KATNAL2: variants seen among roughly 807,000 people sequenced by gnomAD.
KATNAL2 encodes katanin catalytic subunit A1 like 2.
In KATNAL2, 52 loss-of-function variants were observed where a neutral mutation model predicts 76.3. The observed-to-expected ratio is 0.68, with a 90% CI of 0.55 to 0.86. The LOEUF is 0.86. KATNAL2 is among the 40% of genes least tolerant of loss of function. The pLI is 0.00. For synonymous variants in KATNAL2, 243 were observed against 244.2 expected (o/e 1.00, Z 0.05); for missense variants, 660 against 668.9 (o/e 0.99, Z 0.15).
intron 4 of KATNAL2, among the ~76,000 whole-genome samples, chr18:47,052,166 C>T (rs1024179662): frequency 9.2e-5 from 14 of 152,180 alleles, no homozygotes; most frequent in African/African-American, 3.1e-4. Flanking sequence ...GATTTTGAGA[C>T]ACAGCCCTTG....
chr18:47,032,271 T>G (rs1230373817), intron 3 of KATNAL2, among the ~76,000 whole-genome samples: 1 of 152,238 alleles, frequency 6.6e-6, no homozygotes, highest in East Asian at 1.9e-4. Context: ...CTTTGAGCCA[T>G]GCTCAGGTTC....
intron 1 of KATNAL2, among the ~76,000 whole-genome samples, chr18:46,931,103 AAATAATAATAATAATAAT>A (rs36168863): frequency 1.9e-5 from 2 of 105,546 alleles, no homozygotes; most frequent in Non-Finnish European, 3.9e-5. Flanking sequence ...CCGTCTCAGG[AAATAATAATAATAATAAT>A]AATAATAATA....
chr18:46,943,569 C>G (rs2059306176), intron 1 of KATNAL2, among the ~76,000 whole-genome samples: 1 of 152,200 alleles, frequency 6.6e-6, no homozygotes, highest in South Asian at 2.1e-4. Context: ...CCAATATGGT[C>G]TAAAAAGGGG....
intron 3 of KATNAL2, among the ~76,000 whole-genome samples, chr18:46,960,143 C>T (rs186805262): frequency 6.4e-4 from 97 of 152,174 alleles, no homozygotes; most frequent in Non-Finnish European, 1.3e-3. Context: ...GGAAGGAGAA[C>T]CCCAAAAAAG....
At chr18:47,041,325 C>T (rs1010369092) in intron 3 of KATNAL2, among the ~76,000 whole-genome samples, 4 of 152,126 alleles carry the variant, frequency 2.6e-5, no homozygotes, top group African/African-American at 7.2e-5. Flanking sequence ...AGAATGGTTT[C>T]GCTGCCCTAG....
intron 1 of KATNAL2, among the ~76,000 whole-genome samples, chr18:46,926,258 G>A (rs2146517375): frequency 6.6e-6 from 1 of 152,134 alleles, no homozygotes; most frequent in East Asian, 1.9e-4. Flanking sequence ...TGCTTTGAAT[G>A]TGTCCCAGAG....
At chr18:46,948,241 G>A (rs917572628) in intron 3 of KATNAL2, among the ~76,000 whole-genome samples, 29 of 149,770 alleles carry the variant, frequency 1.9e-4, no homozygotes, top group African/African-American at 7.2e-4. Context: ...CTCCCGAGTA[G>A]CTGGGACTGC....
At chr18:46,955,178 C>CTTTCTTTCTTTCTTTCTTTCT (rs1293955552) in intron 3 of KATNAL2, among the ~76,000 whole-genome samples, 2 of 132,270 alleles carry the variant, frequency 1.5e-5, no homozygotes, top group Non-Finnish European at 3.2e-5. Context: ...TTCTTTCTTT[C>CTTTCTTTCTTTCTTTCTTTCT]TTTCTTTCCT....
chr18:47,090,371 T>C (rs2062947055), intron 15 of KATNAL2, among the ~76,000 whole-genome samples: 1 of 152,130 alleles, frequency 6.6e-6, no homozygotes, highest in African/African-American at 2.4e-5. Flanking sequence ...CCTCCCAAAG[T>C]GCTGGGATTA....
chr18:47,049,869 G>C (rs2060416), intron 4 of KATNAL2, among the ~76,000 whole-genome samples: 71,827 of 151,854 alleles, frequency 0.47, 16,960 homozygotes, highest in Admixed American at 0.56. Flanking sequence ...TGTATGCCAC[G>C]ACACTGTTTG....
intron 1 of KATNAL2, among the ~76,000 whole-genome samples, chr18:46,934,780 G>C (rs971822061): frequency 6.6e-6 from 1 of 151,900 alleles, no homozygotes; most frequent in African/African-American, 2.4e-5. Context: ...TTATGGTTTT[G>C]GGTCTAACAT....
At position 47,101,416 on chromosome 18, in the gene KATNAL2, A is replaced by G. The variant is rs1202561218; in HGVS notation, c.*411A>G. On this transcript the variant is annotated 3_prime_UTR_variant, in exon 18 of 18. Transcript: ENST00000683218. ...CAAGTAGAAGCTAAGCTTGACAGGC[A>G]CTGCCCAGCTGACAGTCCCAGGGTG... is the stretch of plus-strand genomic sequence containing the variant. The G allele has an allele frequency of 5.3e-6, 1 of 190,384 alleles. No homozygotes were observed. Among genetic ancestry groups the G allele is most frequent in the East Asian group, 1.2e-4 (1 of 8,116 alleles). 11.8% of individuals were successfully genotyped at this position (190,384 alleles called of 1,614,324 possible).
intron 3 of KATNAL2, among the ~76,000 whole-genome samples, chr18:46,953,708 G>A (rs941187844): frequency 1.3e-5 from 2 of 151,570 alleles, no homozygotes; most frequent in Non-Finnish European, 2.9e-5. Context: ...AGTGAGCCGT[G>A]ATCACACCAC....
chr18:47,033,457 G>T, intron 3 of KATNAL2: 3 of 1,613,978 alleles, frequency 1.9e-6, no homozygotes, highest in Non-Finnish European at 1.7e-6. Context: ...CTCCCTCCAA[G>T]TTTTGTTTTC....
At chr18:47,096,771 C>T (rs1326071185) in intron 15 of KATNAL2, among the ~76,000 whole-genome samples, 1 of 152,140 alleles carries the variant, frequency 6.6e-6, no homozygotes, top group African/African-American at 2.4e-5. Flanking sequence ...ATAGCCTCAG[C>T]TGATGAGGGA....
intron 3 of KATNAL2, among the ~76,000 whole-genome samples, chr18:46,960,027 A>G (rs1054325233): frequency 6.6e-6 from 1 of 152,232 alleles, no homozygotes; most frequent in African/African-American, 2.4e-5. Context: ...AAACTGGACT[A>G]AACATATGAG....
intron 14 of KATNAL2, 135 bp from the exon 15 acceptor site, chr18:47,077,216 T>C: frequency 1.7e-6 from 1 of 598,876 alleles, no homozygotes; most frequent in East Asian, 2.7e-5. Flanking sequence ...TTTCTCTAAC[T>C]CTAGTATGAA....
Position 47,099,001 on chromosome 18 carries a change from TTC to T in KATNAL2, c.1212-238_1212-237del, listed in dbSNP as rs377363095. 7.3e-5 allele frequency: 27 copies of T among 370,952 alleles called. No individual in the cohort carries two copies. The South Asian group carries it at 1.6e-3, about 21-fold the overall frequency. The allele number at this position is 370,952 out of a possible 1,614,324, so 23.0% of individuals were successfully genotyped here. A position where few individuals can be genotyped will look rare whatever the true frequency, so the allele number is the denominator to read the frequency against. Reference sequence around the variant, plus strand: ...TTTTCTTCCATTCATCCTTCCTTCCTTCTCTTTCTTCTCCTTCCTTTCTGCTT... The same window carrying T: ...TTTTCTTCCATTCATCCTTCCTTCCTTCTTTCTTCTCCTTCCTTTCTGCTT... On this transcript the variant is annotated intron_variant, in intron 15 of 17. Coordinates refer to ENST00000683218, the MANE Select transcript of KATNAL2 (RefSeq NM_001387690.1).
Position 47,099,379 on chromosome 18 carries a change from G to C in KATNAL2, c.1348G>C (p.Glu450Gln), listed in dbSNP as rs1443673460. The change falls in exon 16 of 18, where the codon GAG becomes CAG. Residue 450 changes from glutamate (E) to glutamine (Q), a missense_variant. Physicochemically the swap from Glu to Gln is conservative, Grantham distance 29. Coordinates refer to ENST00000683218, the MANE Select transcript of KATNAL2 (RefSeq NM_001387690.1). The part of the protein sequence containing the change: ...SKSRALELHT[E>Q]LEYSVLSQET... ...GAGCAGGGCCTTGGAGCTGCACACAGAGCTGGAGTACAGTGTGCTGAGCCA... is the reference window on the plus strand; with the variant it reads ...GAGCAGGGCCTTGGAGCTGCACACACAGCTGGAGTACAGTGTGCTGAGCCA... 5 of 1,613,704 alleles carry C rather than the reference G, an allele frequency of 3.1e-6. No individual in the cohort carries two copies. The highest frequency in any genetic ancestry group is 1.7e-5 in the Admixed American group (1 of 59,974).
Sources: allele counts gnomAD v4.1 joint callset (sites outside exome capture counted in the v4.1 genomes callset), GRCh38; gene constraint gnomAD v4.1.1; transcripts MANE v1.5; gene names NCBI Gene and HGNC (gene_info 2026-07-23, HGNC 2026-07-21).